ABCC9: variants seen among roughly 807,000 people sequenced by gnomAD.
ABCC9 encodes the protein ATP binding cassette subfamily C member 9, also known as ATP-binding cassette sub-family C member 9.
ABCC9 carries 95 observed loss-of-function variants against 188.3 expected under a neutral mutation model. The observed-to-expected ratio is 0.50, with a 90% CI of 0.43 to 0.60. The LOEUF (loss-of-function observed/expected upper bound fraction) is 0.60. Among genes scored for constraint, ABCC9 ranks in the 20% least tolerant of loss-of-function variants. The pLI, the probability that ABCC9 is intolerant of heterozygous loss-of-function variation, is 0.00. For synonymous variants in ABCC9, 659 were observed against 652.7 expected (o/e 1.01, Z -0.15); for missense variants, 1,102 against 1,876.3 (o/e 0.59, Z 7.62).
chr12:21,855,032 G>C (rs1945151044), intron 22 of ABCC9, among the ~76,000 whole-genome samples: 2 of 152,096 alleles, frequency 1.3e-5, no homozygotes, highest in South Asian at 4.2e-4. Context: ...GGGGGAATCT[G>C]ATTGCCTTTG....
At chr12:21,839,964 G>T (rs1944298566) in intron 29 of ABCC9, among the ~76,000 whole-genome samples, 1 of 152,132 alleles carries the variant, frequency 6.6e-6, no homozygotes. Flanking sequence ...AAACCAAATG[G>T]CTATTTGTAA....
Position 21,840,577 on chromosome 12 carries a change from G to A in ABCC9, c.3473+1737C>T, listed in dbSNP as rs545600277. ...TGAGTATGTGATTAAAGTAAGACATGACTGATATCAGTGTTGAGAAGGCAA... is the reference window on the plus strand; with the variant it reads ...TGAGTATGTGATTAAAGTAAGACATAACTGATATCAGTGTTGAGAAGGCAA... On this transcript the variant is annotated intron_variant, in intron 29 of 39. Coordinates refer to ENST00000261200, the MANE Select transcript of ABCC9 (RefSeq NM_020297.4). Among the ~76,000 whole-genome samples the A allele has an allele frequency of 2.6e-5, 4 of 152,276 alleles. 1 individual carries two copies. The East Asian group carries it at 7.7e-4, about 29-fold the overall frequency.
chr12:21,936,214 T>G (rs956665232), intron 3 of ABCC9, among the ~76,000 whole-genome samples: 1 of 152,150 alleles, frequency 6.6e-6, no homozygotes, highest in Non-Finnish European at 1.5e-5. Flanking sequence ...TTATTCATTT[T>G]CCATTCCCTT....
intron 28 of ABCC9, among the ~76,000 whole-genome samples, chr12:21,843,670 G>C (rs1944498794): frequency 6.6e-6 from 1 of 152,114 alleles, no homozygotes; most frequent in South Asian, 2.1e-4. Flanking sequence ...AATTCTCTAA[G>C]TGACAATCAT....
In ABCC9 at chr12:21,882,785, G is replaced by T. The variant is rs397517186; in HGVS notation, c.2000C>A (p.Thr667Lys). 2.5e-6 allele frequency: 4 copies of T among 1,612,816 alleles called. No homozygotes were observed. The highest frequency in any genetic ancestry group is 1.7e-6 in the Non-Finnish European group (2 of 1,178,838). The change falls in exon 16 of 40, where the codon ACA (threonine) becomes AAA (lysine). Residue 667 changes from threonine to lysine, a missense_variant. Thr to Lys is a moderately conservative substitution (Grantham distance 78). Transcript: ENST00000261200. ...QSTRRLRPAE[T>K]EDIAIKVTNG... ...AATAACCTTTATTGCAATGTCCTCTGTTTCTGCGGGACGTAGACGCCGTGT... is the reference window on the plus strand; with the variant it reads ...AATAACCTTTATTGCAATGTCCTCTTTTTCTGCGGGACGTAGACGCCGTGT...
rs1942100295 is a variant in ABCC9, at chr12:21,809,717, A to G, written c.4315+135T>C. 12 of 642,788 alleles carry G rather than the reference A, an allele frequency of 1.9e-5. No individual in the cohort carries two copies. The South Asian group carries it at 2.3e-4, about 12-fold the overall frequency. 39.8% of individuals were successfully genotyped at this position (642,788 alleles called of 1,614,324 possible). A position where few individuals can be genotyped will look rare whatever the true frequency, so the allele number is the denominator to read the frequency against. On this transcript the variant is annotated intron_variant, in intron 37 of 39. Coordinates refer to ENST00000261200, the MANE Select transcript of ABCC9 (RefSeq NM_020297.4). ...AAACATTAGATTTTGAAATATTCTA[A>G]TGACTTTTAGGATATTATTTTAAAT...
At chr12:21,899,742 A>T (rs1947622941) in intron 12 of ABCC9, among the ~76,000 whole-genome samples, 1 of 152,120 alleles carries the variant, frequency 6.6e-6, no homozygotes. Context: ...TCGAACTGTA[A>T]GGTGGCAGCG....
In ABCC9 at chr12:21,869,714, C is replaced by T. The variant is rs564169559; in HGVS notation, c.2198+2911G>A. The T allele has an allele frequency of 5.9e-5, 9 of 152,266 alleles. No homozygotes were observed. In the South Asian group the frequency reaches 1.9e-3, roughly 32 times the overall value. The allele number at this position is 152,266 out of a possible 1,614,324, so 9.4% of individuals were successfully genotyped here. On this transcript the variant is annotated intron_variant, in intron 18 of 39. Coordinates refer to ENST00000261200, the MANE Select transcript of ABCC9 (RefSeq NM_020297.4). ...GTTTTATCATTGTCACAGCATTTAT[C>T]AAAGTCTAATATTATGTCTTTTTCT...
chr12:21,903,802 C>T (rs1203726902), intron 12 of ABCC9, among the ~76,000 whole-genome samples: 3 of 152,192 alleles, frequency 2.0e-5, no homozygotes, highest in Non-Finnish European at 2.9e-5. Context: ...AATGGAAGAA[C>T]ATTCCATGCT....
chr12:21,851,334 A>G (rs1330362232), intron 24 of ABCC9, among the ~76,000 whole-genome samples: 2 of 152,176 alleles, frequency 1.3e-5, no homozygotes, highest in Non-Finnish European at 2.9e-5. Flanking sequence ...TGTTATACTT[A>G]CATCACCCAT....
chr12:21,823,837 C>T (rs1943194840), intron 31 of ABCC9, among the ~76,000 whole-genome samples: 1 of 152,194 alleles, frequency 6.6e-6, no homozygotes, highest in African/African-American at 2.4e-5. Flanking sequence ...CACTTGGCAC[C>T]CAGAGGAAAA....
In ABCC9 at chr12:21,894,157, C is replaced by T. The variant is rs76458291; in HGVS notation, c.1677G>A (p.Ala559=). ...AAVLATFVTH[A]YASGNNLKPA... ...GTTTCAGATTGTTTCCACTGGCATA[C>T]GCATGGGTCACAAATGTCTGTGCAA... Residue 559 remains alanine (A), a synonymous_variant, in exon 14 of 40, where the codon GCG becomes GCA. Coordinates refer to ENST00000261200, the MANE Select transcript of ABCC9 (RefSeq NM_020297.4). 2,130 of 1,613,974 alleles carry T rather than the reference C, an allele frequency of 1.3e-3. 3 individuals carry two copies. The highest frequency in any genetic ancestry group is 9.9e-4 in the Middle Eastern group (6 of 6,060).
intron 31 of ABCC9, among the ~76,000 whole-genome samples, chr12:21,820,941 T>G (rs912605405): frequency 2.6e-5 from 4 of 152,202 alleles, no homozygotes; most frequent in African/African-American, 9.6e-5. Flanking sequence ...AGAATCTACG[T>G]TCCATGAGGA....
In ABCC9 at chr12:21,887,872, C is replaced by T; in HGVS notation, c.1865G>A (p.Gly622Asp). 6.2e-7 allele frequency: 1 copy of T among 1,613,498 alleles called. No individual in the cohort carries two copies. Among genetic ancestry groups the T allele is most frequent in the Non-Finnish European group, 8.5e-7 (1 of 1,179,556 alleles). Residue 622 changes from glycine to aspartate, a missense_variant, in exon 15 of 40, where the codon GGT (glycine) becomes GAT (aspartate). Around this residue, in one of 12 missense-constraint regions of ABCC9, gnomAD observed 258 missense variants for 325.6 expected, o/e 0.79. Coordinates refer to ENST00000261200, the MANE Select transcript of ABCC9 (RefSeq NM_020297.4). ...GGACTCAAAAGGAAGCGAACTTTCA[C>T]CAGTTCGCCAACTGTCGTCACCAAT... ...DEIGDDSWRT[G>D]ESSLPFESCK...
At chr12:21,923,955 A>C (rs1041758404) in intron 5 of ABCC9, 13 of 583,168 alleles carry the variant, frequency 2.2e-5, no homozygotes, top group Admixed American at 6.2e-5. Flanking sequence ...TCTATGCTAC[A>C]TTACGGATGA....
intron 5 of ABCC9, among the ~76,000 whole-genome samples, chr12:21,917,421 T>G (rs780092405): frequency 6.6e-6 from 1 of 152,164 alleles, no homozygotes; most frequent in African/African-American, 2.4e-5. Flanking sequence ...AAAAAGTAGC[T>G]TTATCTTCTG....
chr12:21,915,251 G>GTATATGTA (rs1231580327), intron 7 of ABCC9, among the ~76,000 whole-genome samples: 5 of 73,458 alleles, frequency 6.8e-5, no homozygotes, highest in African/African-American at 9.2e-5. Context: ...GTGTGTGTGT[G>GTATATGTA]TGTGTGTGTG....
In ABCC9 at chr12:21,941,226, C is replaced by A. The variant is rs1476736669; in HGVS notation, c.-163G>T. Reference sequence around the variant, plus strand: ...CCGATGACAGTTTTCCTCCCCTAGGCGAAGCACGCAGTGCGCCGGAACGGA... The same window carrying A: ...CCGATGACAGTTTTCCTCCCCTAGGAGAAGCACGCAGTGCGCCGGAACGGA... On this transcript the variant is annotated 5_prime_UTR_variant, in exon 1 of 40. Transcript: ENST00000261200. The surrounding 1 kb of genome is among the most constrained non-coding windows in gnomAD (Gnocchi z 5.4). 1 of 152,334 alleles carries A rather than the reference C, an allele frequency of 6.6e-6. No individual in the cohort carries two copies. The highest frequency in any genetic ancestry group is 6.5e-5 in the Admixed American group (1 of 15,292). 9.4% of individuals were successfully genotyped at this position (152,334 alleles called of 1,614,324 possible).
chr12:21,901,860 C>A (rs931321505), intron 12 of ABCC9, among the ~76,000 whole-genome samples: 12 of 152,166 alleles, frequency 7.9e-5, no homozygotes, highest in African/African-American at 2.9e-4. Flanking sequence ...TAATGGGAGA[C>A]TTTAACACCC....
Sources: gnomAD v4.1 joint callset for allele counts (sites outside exome capture counted in the v4.1 genomes callset) on GRCh38, gnomAD v4.1.1 for gene constraint, gnomAD v4.1.1 regional missense constraint, Gnocchi (gnomAD v3.1) non-coding constraint, MANE v1.5 for transcripts, NCBI Gene and HGNC (gene_info 2026-07-23, HGNC 2026-07-21) for gene names.